Variants in ZNF831 observed in about 807,000 individuals in gnomAD.
ZNF831 encodes zinc finger protein 831.
ZNF831 carries 59 observed loss-of-function variants against 95.8 expected under a neutral mutation model. The ratio of observed to expected loss-of-function variants is 0.62; its 90% confidence interval spans 0.50 to 0.77. The LOEUF (loss-of-function observed/expected upper bound fraction) is 0.77. Among genes scored for constraint, ZNF831 ranks in the 30% least tolerant of loss-of-function variants. The probability of loss-of-function intolerance (pLI) is 0.00; values close to 1 mark genes in which losing one functional copy is unlikely to be tolerated. For missense variants in ZNF831, 2,205 were observed against 2,164.0 expected (o/e 1.02, Z -0.38); for synonymous variants, 961 against 925.5 (o/e 1.04, Z -0.70).
At chr20:59,132,956 A>G (rs1229228569) in intron 1 of ZNF831, among the ~76,000 whole-genome samples, 1 of 152,264 alleles carries the variant, frequency 6.6e-6, no homozygotes, top group African/African-American at 2.4e-5. Flanking sequence ...GGGTATGTTC[A>G]ACCTCTGGTC....
At chr20:59,211,231 T>G (rs1985310994) in intron 4 of ZNF831, among the ~76,000 whole-genome samples, 1 of 152,172 alleles carries the variant, frequency 6.6e-6, no homozygotes, top group Non-Finnish European at 1.5e-5. Flanking sequence ...GACAAATATC[T>G]ATGCTTTCAT....
intron 4 of ZNF831, among the ~76,000 whole-genome samples, chr20:59,207,594 G>C (rs1464717692): frequency 6.6e-6 from 1 of 152,192 alleles, no homozygotes; most frequent in African/African-American, 2.4e-5. Flanking sequence ...ACTAAGTGGG[G>C]CTGCTTCCTG....
intron 1 of ZNF831, among the ~76,000 whole-genome samples, chr20:59,130,004 A>G (rs1979299501): frequency 6.6e-6 from 1 of 152,240 alleles, no homozygotes; most frequent in Admixed American, 6.5e-5. Context: ...ACGTTGGACC[A>G]GAGCCAGCAG....
chr20:59,173,178 C>T (rs1185575070), intron 1 of ZNF831, among the ~76,000 whole-genome samples: 2 of 152,182 alleles, frequency 1.3e-5, no homozygotes, highest in African/African-American at 2.4e-5. Flanking sequence ...GTCAGTTTCT[C>T]TAGGTCCAAC....
chr20:59,223,158 T>C (rs1986211358), intron 4 of ZNF831, among the ~76,000 whole-genome samples: 1 of 151,774 alleles, frequency 6.6e-6, no homozygotes, highest in Non-Finnish European at 1.5e-5. Context: ...GGACATTATT[T>C]CAGTTTCCCA....
intron 1 of ZNF831, among the ~76,000 whole-genome samples, chr20:59,168,336 G>A (rs1468527234): frequency 3.3e-5 from 5 of 151,250 alleles, no homozygotes; most frequent in Admixed American, 6.6e-5. Context: ...TACATATTTC[G>A]TTTTTCATTT....
chr20:59,126,412 G>A (rs1979172470), intron 1 of ZNF831, among the ~76,000 whole-genome samples: 1 of 152,152 alleles, frequency 6.6e-6, no homozygotes, highest in South Asian at 2.1e-4. Context: ...TGTCACTGTG[G>A]GGAGCTTGTG....
intron 4 of ZNF831, among the ~76,000 whole-genome samples, chr20:59,214,831 A>G (rs1315756331): frequency 6.6e-6 from 1 of 152,324 alleles, no homozygotes; most frequent in East Asian, 1.9e-4. Flanking sequence ...AGGGGGATGA[A>G]GGCAACGTCA....
rs1456506196 is a variant in ZNF831 at position 59,169,196 on chromosome 20, A to G, written c.-37+4989A>G. Among the ~76,000 whole-genome samples, 5 of 152,330 alleles carry G rather than the reference A, an allele frequency of 3.3e-5. No homozygotes were observed. Among genetic ancestry groups the G allele is most frequent in the South Asian group, 4.2e-4 (2 of 4,818 alleles). On this transcript the variant is annotated intron_variant, in intron 1 of 5. Coordinates refer to ENST00000371030, the MANE Select transcript of ZNF831 (RefSeq NM_178457.3). This position sits in a 1 kb window ranked among gnomAD's most constrained non-coding sequence, Gnocchi z 4.1. ...AGACTTCTTAGCAGGGAGCTTCAAA[A>G]TTGCAAATTCAATCTGATAAATAGT...
intron 1 of ZNF831, among the ~76,000 whole-genome samples, chr20:59,130,294 C>T (rs142917691): frequency 2.6e-5 from 4 of 152,286 alleles, no homozygotes; most frequent in Admixed American, 1.3e-4. Flanking sequence ...GCTTCAGCAT[C>T]GTGTTCCTTT....
chr20:59,257,228 G>A lies in ZNF831; in HGVS notation c.*2485G>A, dbSNP rs6026778. ...CTCTTACAAAGGTAAAGCAGGTAGC[G>A]AAGCCACCTTGCTTCCCTGGTCTTT... On this transcript the variant is annotated 3_prime_UTR_variant, in exon 6 of 6. Transcript: ENST00000371030. 5 of 152,202 alleles carry A rather than the reference G, an allele frequency of 3.3e-5. No individual in the cohort carries two copies. The South Asian group carries it at 6.2e-4, about 19-fold the overall frequency. 9.4% of individuals were successfully genotyped at this position (152,202 alleles called of 1,614,324 possible). A position where few individuals can be genotyped will look rare whatever the true frequency, so the allele number is the denominator to read the frequency against.
At chr20:59,165,381 C>T (rs78846039) in intron 1 of ZNF831, among the ~76,000 whole-genome samples, 13,237 of 152,214 alleles carry the variant, frequency 0.087, 743 homozygotes, top group Non-Finnish European at 0.12. Flanking sequence ...GAGTCTACCA[C>T]GTCTGGACAA....
At chr20:59,218,401 G>T (rs569377559) in intron 4 of ZNF831, among the ~76,000 whole-genome samples, 1 of 152,330 alleles carries the variant, frequency 6.6e-6, no homozygotes, top group Non-Finnish European at 1.5e-5. Context: ...ACTCTTTGAG[G>T]TGTGAGGAAA....
chr20:59,254,297 G>C lies in ZNF831; in HGVS notation c.4588G>C (p.Asp1530His). Residue 1530 changes from aspartate to histidine, a missense_variant, in exon 6 of 6, where the codon GAC becomes CAC. Asp to His is a moderately conservative substitution (Grantham distance 81). Coordinates refer to ENST00000371030, the MANE Select transcript of ZNF831 (RefSeq NM_178457.3). This position sits in a 1 kb window ranked among gnomAD's most constrained non-coding sequence, Gnocchi z 4.5. ...AGRTLTSSSP[D>H]SKVTEEGRAQ... ...GAGGACTCTGACATCAAGCTCCCCA[G>C]ACAGCAAAGTCACAGAAGAGGGCAG... 6.2e-7 allele frequency: 1 copy of C among 1,614,070 alleles called. No homozygotes were observed. The highest frequency in any genetic ancestry group is 8.5e-7 in the Non-Finnish European group (1 of 1,180,010).
At chr20:59,189,183 AAAAAAAATAAAAAAAT>A (rs933577626) in intron 1 of ZNF831, among the ~76,000 whole-genome samples, 1 of 152,110 alleles carries the variant, frequency 6.6e-6, no homozygotes, top group Non-Finnish European at 1.5e-5. Context: ...GCCATCTCAA[AAAAAAAATAAAAAAAT>A]AAAAAAATAA....
At chr20:59,144,837 C>T (rs2146447389) in intron 1 of ZNF831, among the ~76,000 whole-genome samples, 1 of 152,292 alleles carries the variant, frequency 6.6e-6, no homozygotes, top group Admixed American at 6.5e-5. Context: ...TGTTCTTCTG[C>T]CTCCTAAGTT....
chr20:59,237,748 A>G (rs558131298), intron 4 of ZNF831, among the ~76,000 whole-genome samples: 130 of 152,234 alleles, frequency 8.5e-4, no homozygotes, highest in Non-Finnish European at 1.5e-3. Flanking sequence ...TTTATTGATG[A>G]TAATTACTCA....
At chr20:59,207,116 T>G (rs1984951792) in intron 4 of ZNF831, 60 bp downstream of exon 4, 8 of 1,582,284 alleles carry the variant, frequency 5.1e-6, no homozygotes, top group Non-Finnish European at 6.9e-6. Flanking sequence ...GCCCAAGGCA[T>G]AGACACTGGG....
At chr20:59,221,693 T>G (rs1986084351) in intron 4 of ZNF831, among the ~76,000 whole-genome samples, 1 of 152,164 alleles carries the variant, frequency 6.6e-6, no homozygotes, top group Non-Finnish European at 1.5e-5. Flanking sequence ...AGTTCCAAGG[T>G]TTTTCCCTTG....
Sources: allele counts gnomAD v4.1 joint callset (sites outside exome capture counted in the v4.1 genomes callset), GRCh38; gene constraint gnomAD v4.1.1; non-coding constraint Gnocchi (gnomAD v3.1); transcripts MANE v1.5; gene names NCBI Gene and HGNC (gene_info 2026-07-23, HGNC 2026-07-21).